CFAP54: variants seen among roughly 807,000 people sequenced by gnomAD.
CFAP54 encodes cilia and flagella associated protein 54.
In CFAP54, 290 loss-of-function variants were observed where a neutral mutation model predicts 370.4. That is an observed-to-expected ratio of 0.78 (90% CI 0.71 to 0.86). The LOEUF is 0.86. Among genes scored for constraint, CFAP54 ranks in the 40% least tolerant of loss-of-function variants. CFAP54 has a pLI of 0.00. For synonymous variants in CFAP54, 1,206 were observed against 1,236.5 expected, an observed-to-expected ratio of 0.98 and a Z score of 0.52; for missense variants, 3,399 against 3,528.7, an observed-to-expected ratio of 0.96 and a Z score of 0.93.
intron 66 of CFAP54, among the ~76,000 whole-genome samples, chr12:96,860,381 T>C (rs1959848643): frequency 6.6e-6 from 1 of 152,214 alleles, no homozygotes; most frequent in Non-Finnish European, 1.5e-5. Context: ...TTGGCTGTAC[T>C]AGCTCTCGCT....
intron 5 of CFAP54, among the ~76,000 whole-genome samples, chr12:96,513,297 A>G (rs2136359849): frequency 6.6e-6 from 1 of 152,350 alleles, no homozygotes; most frequent in South Asian, 2.1e-4. Flanking sequence ...TGTCTCTCAG[A>G]TAGTCATGCT....
chr12:96,793,056 T>G (rs1436710793), intron 63 of CFAP54, among the ~76,000 whole-genome samples: 2 of 152,106 alleles, frequency 1.3e-5, no homozygotes, highest in African/African-American at 2.4e-5. Context: ...AATTTTATTA[T>G]TTTTTAATTT....
chr12:96,644,608 A>G (rs1769975644), intron 33 of CFAP54, among the ~76,000 whole-genome samples, 200 bp downstream of exon 33: 1 of 152,160 alleles, frequency 6.6e-6, no homozygotes, highest in Non-Finnish European at 1.5e-5. Flanking sequence ...AGAAGGTTTA[A>G]TTTAACTCAC....
intron 4 of CFAP54, among the ~76,000 whole-genome samples, chr12:96,512,302 T>TATAC (rs1955179091): frequency 4.0e-4 from 1 of 2,502 alleles, no homozygotes; most frequent in Non-Finnish European, 1.1e-3. Context: ...GAACCAATTT[T>TATAC]ATATATATAT....
chr12:96,848,856 A>G (rs1324801959), intron 66 of CFAP54, among the ~76,000 whole-genome samples: 2 of 152,248 alleles, frequency 1.3e-5, no homozygotes, highest in South Asian at 2.1e-4. Flanking sequence ...TGAAATTTCT[A>G]TGGTTTGGCA....
chr12:96,566,716 A>G (rs11108583), intron 19 of CFAP54, among the ~76,000 whole-genome samples: 18,463 of 152,164 alleles, frequency 0.12, 1,194 homozygotes, highest in Middle Eastern at 0.19. Flanking sequence ...CTGAAATTCA[A>G]GATTCCTGGT....
At chr12:96,556,171 A>C (rs1955749339) in intron 17 of CFAP54, among the ~76,000 whole-genome samples, 1 of 152,066 alleles carries the variant, frequency 6.6e-6, no homozygotes, top group Non-Finnish European at 1.5e-5. Context: ...GATATGGTAG[A>C]ATATATTTCT....
chr12:96,618,807 G>C (rs561835890), intron 26 of CFAP54, among the ~76,000 whole-genome samples: 147 of 152,202 alleles, frequency 9.7e-4, no homozygotes, highest in African/African-American at 3.5e-3. Flanking sequence ...TGACTTGCTG[G>C]CCAGGACCCC....
At chr12:96,615,683 C>A (rs1278044584) in intron 26 of CFAP54, among the ~76,000 whole-genome samples, 2 of 152,120 alleles carry the variant, frequency 1.3e-5, no homozygotes, top group Non-Finnish European at 2.9e-5. Context: ...ATAAACAACC[C>A]CATCAACAAG....
intron 31 of CFAP54, 68 bp from the exon 32 acceptor site, chr12:96,630,483 A>G (rs1956595300): frequency 1.3e-5 from 10 of 799,252 alleles, no homozygotes; most frequent in South Asian, 1.2e-4. Context: ...GCATTAGAGT[A>G]TGAATAAATT....
chr12:96,640,996 C>T (rs1334995075), intron 32 of CFAP54, among the ~76,000 whole-genome samples: 2 of 151,936 alleles, frequency 1.3e-5, no homozygotes, highest in African/African-American at 2.4e-5. Context: ...TAGGCAATAC[C>T]ATTCAGGACA....
At chr12:96,671,751 G>A (rs540817517) in intron 39 of CFAP54, among the ~76,000 whole-genome samples, 13 of 152,112 alleles carry the variant, frequency 8.5e-5, no homozygotes, top group South Asian at 2.1e-4. Context: ...GTGAAACCCC[G>A]TCTCTACTAA....
Position 96,525,890 on chromosome 12 carries a change from C to T in CFAP54, c.1159-1356C>T, listed in dbSNP as rs370340793. Among the ~76,000 whole-genome samples the T allele has an allele frequency of 3.3e-4, 50 of 152,290 alleles. No homozygotes were observed. In the South Asian group the frequency reaches 9.3e-3, roughly 28 times the overall value. On this transcript the variant is annotated intron_variant, in intron 8 of 67. Transcript: ENST00000524981. Reference sequence around the variant, plus strand: ...ATTTTTAGTAGAGATGAGGTTTCACCATATTGGCCAGGCTGGTCTCGAACT... The same window carrying T: ...ATTTTTAGTAGAGATGAGGTTTCACTATATTGGCCAGGCTGGTCTCGAACT...
intron 50 of CFAP54, among the ~76,000 whole-genome samples, chr12:96,725,391 C>T (rs111810449): frequency 6.6e-6 from 1 of 152,082 alleles, no homozygotes; most frequent in Non-Finnish European, 1.5e-5. Context: ...AGGTCCTTCA[C>T]GTCCCTTGTA....
At chr12:96,584,256 G>T (rs907947251) in intron 22 of CFAP54, among the ~76,000 whole-genome samples, 2 of 152,076 alleles carry the variant, frequency 1.3e-5, no homozygotes, top group African/African-American at 4.8e-5. Context: ...TTGAGGTCAG[G>T]AGTTCAAGAC....
At chr12:96,844,883 T>A (rs1335781507) in intron 66 of CFAP54, among the ~76,000 whole-genome samples, 1 of 152,182 alleles carries the variant, frequency 6.6e-6, no homozygotes, top group African/African-American at 2.4e-5. Context: ...CTGACTCAGT[T>A]TCCTGCTCCT....
intron 51 of CFAP54, among the ~76,000 whole-genome samples, chr12:96,740,649 T>C (rs919406077): frequency 1.4e-4 from 22 of 152,266 alleles, no homozygotes; most frequent in African/African-American, 5.1e-4. Flanking sequence ...AAATCGCTAA[T>C]ATCTAGCATC....
intron 20 of CFAP54, among the ~76,000 whole-genome samples, chr12:96,579,757 T>C (rs754470179): frequency 8.5e-5 from 13 of 152,266 alleles, no homozygotes; most frequent in Admixed American, 3.3e-4. Flanking sequence ...ATTCCAATAA[T>C]GAATCTTCAT....
At chr12:96,717,997 A>T (rs1248785603) in intron 48 of CFAP54, among the ~76,000 whole-genome samples, 1 of 152,154 alleles carries the variant, frequency 6.6e-6, no homozygotes, top group Non-Finnish European at 1.5e-5. Flanking sequence ...CTATATTATC[A>T]TTGTGTTTTT....
Sources: allele counts gnomAD v4.1 joint callset (sites outside exome capture counted in the v4.1 genomes callset), GRCh38; gene constraint gnomAD v4.1.1; transcripts MANE v1.5; gene names NCBI Gene and HGNC (gene_info 2026-07-23, HGNC 2026-07-21).